Variants in VRK2 observed in about 807,000 individuals in gnomAD.
VRK2 encodes VRK serine/threonine kinase 2, also known as serine/threonine-protein kinase VRK2.
Under a neutral mutation model 57.6 loss-of-function variants are expected in VRK2, and 60 were observed. That is an observed-to-expected ratio of 1.04 (90% CI 0.85 to 1.29). The LOEUF is 1.29. Among genes scored for constraint, VRK2 ranks in the 50% most tolerant of loss-of-function variants. VRK2 has a pLI of 0.00. For synonymous variants in VRK2, 231 were observed against 199.2 expected (o/e 1.16, Z -1.35); for missense variants, 705 against 588.1 (o/e 1.20, Z -2.06).
In VRK2 at chr2:58,084,160, G is replaced by A. The variant is rs760347517; in HGVS notation, c.186+22G>A. On this transcript the variant is annotated intron_variant, in intron 3 of 12. Transcript: ENST00000340157. Reference sequence around the variant, plus strand: ...AGTGGTAAGTGTTGCTCATAGATTTGTATTTCACATATATTTGACTTTTTC... The same window carrying A: ...AGTGGTAAGTGTTGCTCATAGATTTATATTTCACATATATTTGACTTTTTC... 2.5e-6 allele frequency: 4 copies of A among 1,584,490 alleles called. No homozygotes were observed. In the East Asian group the frequency reaches 9.1e-5, roughly 36 times the overall value.
At chr2:57,940,407 C>T (rs954104886) in intron 1 of VRK2, among the ~76,000 whole-genome samples, 7 of 152,176 alleles carry the variant, frequency 4.6e-5, no homozygotes, top group South Asian at 4.1e-4. Context: ...TGCCCACCCA[C>T]GCTGAGGAGG....
At chr2:57,908,510 T>G (rs1248839518) in intron 1 of VRK2, among the ~76,000 whole-genome samples, 1 of 151,964 alleles carries the variant, frequency 6.6e-6, no homozygotes, top group Non-Finnish European at 1.5e-5. Context: ...TATAGATGGA[T>G]GAAAACATTA....
chr2:58,053,618 G>A (rs1473639724), intron 2 of VRK2, among the ~76,000 whole-genome samples: 1 of 152,034 alleles, frequency 6.6e-6, no homozygotes, highest in Non-Finnish European at 1.5e-5. Flanking sequence ...TAAATAGTGA[G>A]CTATAATAGA....
chr2:58,125,289 A>G (rs1049086703), intron 8 of VRK2, among the ~76,000 whole-genome samples: 5 of 152,174 alleles, frequency 3.3e-5, no homozygotes, highest in African/African-American at 1.2e-4. Context: ...ACTGTGGTAA[A>G]TCTGAAAGAC....
chr2:58,050,935 C>G (rs112226141), intron 2 of VRK2, among the ~76,000 whole-genome samples: 12,477 of 152,126 alleles, frequency 0.082, 571 homozygotes, highest in East Asian at 0.1. Context: ...ACCTCCACCT[C>G]CTAGGTTCAA....
intron 1 of VRK2, among the ~76,000 whole-genome samples, chr2:57,919,820 AT>A (rs1670280229): frequency 6.6e-6 from 1 of 152,212 alleles, no homozygotes; most frequent in South Asian, 2.1e-4. Flanking sequence ...GAAGTCAGTA[AT>A]TTTTTTTTAA....
chr2:57,935,950 C>T (rs2103943891), intron 1 of VRK2, among the ~76,000 whole-genome samples: 1 of 152,298 alleles, frequency 6.6e-6, no homozygotes, highest in African/African-American at 2.4e-5. Flanking sequence ...CTTTTCCGGA[C>T]TCCAGGACTC....
chr2:58,085,900 G>A (rs1479419426), intron 4 of VRK2, among the ~76,000 whole-genome samples: 4 of 140,856 alleles, frequency 2.8e-5, no homozygotes, highest in East Asian at 2.1e-4. Flanking sequence ...AAGTAAGATG[G>A]TTTTTCTGCC....
chr2:57,950,271 G>T (rs1232625310), intron 1 of VRK2, among the ~76,000 whole-genome samples: 1 of 152,134 alleles, frequency 6.6e-6, no homozygotes, highest in Non-Finnish European at 1.5e-5. Flanking sequence ...AAGAGAAGAG[G>T]TCAACTCCTG....
intron 2 of VRK2, among the ~76,000 whole-genome samples, chr2:58,070,450 G>A (rs1158222062): frequency 6.6e-6 from 1 of 152,028 alleles, no homozygotes; most frequent in East Asian, 1.9e-4. Context: ...AAATTGCCTT[G>A]TGCTACACCT....
chr2:58,021,343 T>A (rs910765192), intron 1 of VRK2, among the ~76,000 whole-genome samples: 1 of 152,178 alleles, frequency 6.6e-6, no homozygotes, highest in Non-Finnish European at 1.5e-5. Flanking sequence ...GCACTCTGTA[T>A]AAGAATGCAC....
intron 2 of VRK2, among the ~76,000 whole-genome samples, chr2:58,064,946 A>G (rs979915535): frequency 1.3e-5 from 2 of 152,020 alleles, no homozygotes; most frequent in African/African-American, 4.8e-5. Context: ...TTTTCTCTTT[A>G]TCACTTACCT....
intron 2 of VRK2, among the ~76,000 whole-genome samples, chr2:58,062,069 A>G (rs1229636020): frequency 6.6e-6 from 1 of 152,060 alleles, no homozygotes; most frequent in Non-Finnish European, 1.5e-5. Context: ...CTATTTTTCC[A>G]GCAGCGTGGG....
At chr2:58,156,503 CT>C (rs1465362944) in intron 12 of VRK2, among the ~76,000 whole-genome samples, 1 of 151,760 alleles carries the variant, frequency 6.6e-6, no homozygotes, top group Admixed American at 6.6e-5. Flanking sequence ...AATACTTTAC[CT>C]TTTTCATAGG....
chr2:57,949,469 T>C (rs1336113967), intron 1 of VRK2, among the ~76,000 whole-genome samples: 1 of 152,176 alleles, frequency 6.6e-6, no homozygotes, highest in Non-Finnish European at 1.5e-5. Flanking sequence ...ATCTTTGATA[T>C]CATTATTGTA....
Position 57,956,364 on chromosome 2 carries a change from AAC to A in VRK2, c.-439+48527_-439+48528del, listed in dbSNP as rs1440181248. On this transcript the variant is annotated intron_variant, in intron 1 of 15. Transcript: ENST00000417641. ...CATGAGACTGCATTCCAGCCTGAGT[AAC>A]AGAGTGAGACCCTATCTGTAAAATA... Among the ~76,000 whole-genome samples the A allele has an allele frequency of 2.4e-3, 371 of 152,322 alleles. 3 individuals carry two copies. The highest frequency in any genetic ancestry group is 3.8e-4 in the Non-Finnish European group (26 of 68,030).
At chr2:57,935,004 CT>C (rs1397204675) in intron 1 of VRK2, among the ~76,000 whole-genome samples, 2 of 152,006 alleles carry the variant, frequency 1.3e-5, no homozygotes, top group African/African-American at 4.8e-5. Flanking sequence ...TCTATCTGTG[CT>C]TTTTGTACCT....
chr2:58,104,349 A>C (rs1454937579), intron 7 of VRK2, among the ~76,000 whole-genome samples: 1 of 151,892 alleles, frequency 6.6e-6, no homozygotes, highest in Non-Finnish European at 1.5e-5. Flanking sequence ...ATTTTGTTAA[A>C]TGAATTTAGC....
intron 1 of VRK2, among the ~76,000 whole-genome samples, chr2:58,006,612 A>G (rs1256149910): frequency 1.3e-5 from 2 of 152,154 alleles, no homozygotes; most frequent in Non-Finnish European, 2.9e-5. Context: ...TAGAAAACCT[A>G]AATGCAATGG....
Sources: gnomAD v4.1 joint callset for allele counts (sites outside exome capture counted in the v4.1 genomes callset) on GRCh38, gnomAD v4.1.1 for gene constraint, MANE v1.5 for transcripts, NCBI Gene and HGNC (gene_info 2026-07-23, HGNC 2026-07-21) for gene names.